CNTNAP2: variants seen among roughly 807,000 people sequenced by gnomAD.
CNTNAP2 encodes contactin-associated protein-like 2.
CNTNAP2 carries 98 observed loss-of-function variants against 155.2 expected under a neutral mutation model. That is an observed-to-expected ratio of 0.63 (90% CI 0.54 to 0.75). The LOEUF is 0.75. Among genes scored for constraint, CNTNAP2 ranks in the 30% least tolerant of loss-of-function variants. The pLI is 0.00. For missense variants in CNTNAP2, 1,727 were observed against 1,688.1 expected (o/e 1.02, Z -0.40); for synonymous variants, 651 against 631.2 (o/e 1.03, Z -0.47).
chr7:146,381,125 C>G (rs1410786273), intron 1 of CNTNAP2, among the ~76,000 whole-genome samples: 1 of 152,066 alleles, frequency 6.6e-6, no homozygotes, highest in Non-Finnish European at 1.5e-5. Context: ...TCACCTCCCA[C>G]AATGACTCTG....
intron 1 of CNTNAP2, among the ~76,000 whole-genome samples, chr7:146,196,372 T>C (rs1272524314): frequency 1.3e-5 from 2 of 152,294 alleles, no homozygotes; most frequent in East Asian, 3.9e-4. Flanking sequence ...GCCATTGGCA[T>C]ATGTATACCA....
At position 147,941,175 on chromosome 7, in the gene CNTNAP2, G is replaced by GGAA. The variant is rs200328101; in HGVS notation, c.2256-36685_2256-36683dup. 4.6e-5 allele frequency among the ~76,000 whole-genome samples: 7 copies of GGAA among 152,264 alleles called. No homozygotes were observed. The East Asian group carries it at 1.4e-3, about 29-fold the overall frequency. On this transcript the variant is annotated intron_variant, in intron 14 of 23. Transcript: ENST00000361727. ...AAAGAAGCACTGTGCCCCGGAGACT[G>GGAA]GAAGGAGAATTTGAGGAAGACATTA...
intron 11 of CNTNAP2, among the ~76,000 whole-genome samples, chr7:147,517,845 A>G (rs1447053899): frequency 6.6e-6 from 1 of 152,238 alleles, no homozygotes; most frequent in Non-Finnish European, 1.5e-5. Flanking sequence ...GTGTCTTAAA[A>G]ATAGAAAAAT....
At chr7:146,349,771 T>C (rs966928206) in intron 1 of CNTNAP2, among the ~76,000 whole-genome samples, 1 of 152,140 alleles carries the variant, frequency 6.6e-6, no homozygotes, top group African/African-American at 2.4e-5. Flanking sequence ...GAAAATTATT[T>C]TCTTTAAGAA....
chr7:146,725,877 A>T (rs959312933), intron 1 of CNTNAP2, among the ~76,000 whole-genome samples: 12 of 152,268 alleles, frequency 7.9e-5, no homozygotes, highest in Admixed American at 6.5e-4. Context: ...CTAGCCTCTG[A>T]ATCTGGGGGA....
At chr7:146,918,914 A>G (rs1335297643) in intron 3 of CNTNAP2, among the ~76,000 whole-genome samples, 2 of 152,146 alleles carry the variant, frequency 1.3e-5, no homozygotes, top group African/African-American at 4.8e-5. Context: ...AGATTGGGTT[A>G]ATTCAAAAGC....
intron 1 of CNTNAP2, among the ~76,000 whole-genome samples, chr7:146,450,559 G>A (rs567301533): frequency 3.3e-5 from 5 of 152,260 alleles, no homozygotes; most frequent in Admixed American, 1.3e-4. Flanking sequence ...ACTTCTAAGA[G>A]CATACAAAAA....
chr7:148,213,455 A>G (rs530801348), intron 18 of CNTNAP2, among the ~76,000 whole-genome samples: 1 of 152,018 alleles, frequency 6.6e-6, no homozygotes, highest in East Asian at 1.9e-4. Flanking sequence ...TTCCCTCCCT[A>G]GGCCAGGTTC....
intron 13 of CNTNAP2, among the ~76,000 whole-genome samples, chr7:147,729,052 G>T (rs1231231227): frequency 6.7e-6 from 1 of 149,872 alleles, no homozygotes; most frequent in Non-Finnish European, 1.5e-5. Context: ...TTGAGACAGG[G>T]TCTTGCCCTA....
At chr7:146,650,483 A>C (rs906483567) in intron 1 of CNTNAP2, among the ~76,000 whole-genome samples, 3 of 152,010 alleles carry the variant, frequency 2.0e-5, no homozygotes, top group Admixed American at 2.0e-4. Flanking sequence ...TATAAGTGGG[A>C]GTTGAACAAT....
chr7:148,406,325 G>A (rs1231609723), intron 22 of CNTNAP2, among the ~76,000 whole-genome samples: 1 of 152,170 alleles, frequency 6.6e-6, no homozygotes, highest in Non-Finnish European at 1.5e-5. Context: ...TTATCAAAAG[G>A]AGACAGGAAA....
chr7:148,203,189 G>GC (rs1562993440), intron 18 of CNTNAP2, among the ~76,000 whole-genome samples: 6 of 152,096 alleles, frequency 3.9e-5, no homozygotes, highest in Admixed American at 2.6e-4. Context: ...GGGAGGAGAG[G>GC]TGGGGGAATA....
intron 13 of CNTNAP2, among the ~76,000 whole-genome samples, chr7:147,840,804 A>G (rs1798715690): frequency 6.6e-6 from 1 of 151,976 alleles, no homozygotes; most frequent in Admixed American, 6.5e-5. Context: ...CCTTGTCTAG[A>G]ATGGGATCTA....
intron 13 of CNTNAP2, among the ~76,000 whole-genome samples, chr7:147,837,135 A>G (rs1395664478): frequency 6.6e-6 from 1 of 152,202 alleles, no homozygotes; most frequent in African/African-American, 2.4e-5. Flanking sequence ...CTGCTAATAA[A>G]GACATATCCG....
At chr7:147,919,917 G>C (rs764804029) in intron 14 of CNTNAP2, among the ~76,000 whole-genome samples, 1 of 151,848 alleles carries the variant, frequency 6.6e-6, no homozygotes, top group South Asian at 2.1e-4. Context: ...TACTTCATTG[G>C]TGTTAATTTG....
chr7:146,255,797 G>C (rs936953936), intron 1 of CNTNAP2, among the ~76,000 whole-genome samples: 4 of 152,136 alleles, frequency 2.6e-5, no homozygotes, highest in African/African-American at 9.7e-5. Flanking sequence ...AAGTGTAAGG[G>C]CCGGTTCCAG....
At chr7:146,655,413 C>CAAAAAAA (rs66710703) in intron 1 of CNTNAP2, among the ~76,000 whole-genome samples, 4 of 74,298 alleles carry the variant, frequency 5.4e-5, no homozygotes, top group African/African-American at 1.0e-4. Context: ...GACTCTGTCT[C>CAAAAAAA]AAAAAAAAAA....
chr7:146,907,718 G>C (rs955078327), intron 3 of CNTNAP2, among the ~76,000 whole-genome samples: 1 of 149,834 alleles, frequency 6.7e-6, no homozygotes, highest in East Asian at 2.0e-4. Flanking sequence ...AAAGACCATC[G>C]AGACTAGGAA....
chr7:146,156,248 T>G (rs371232083), intron 1 of CNTNAP2, among the ~76,000 whole-genome samples: 40 of 152,190 alleles, frequency 2.6e-4, no homozygotes, highest in African/African-American at 8.0e-4. Flanking sequence ...TAAGGGCTAT[T>G]ATGTTGTTTC....
Sources: allele counts gnomAD v4.1 joint callset (sites outside exome capture counted in the v4.1 genomes callset), GRCh38; gene constraint gnomAD v4.1.1; transcripts MANE v1.5; gene names NCBI Gene and HGNC (gene_info 2026-07-23, HGNC 2026-07-21).